Variants in DNM3 observed in about 807,000 individuals in gnomAD.
DNM3 encodes the protein dynamin-3.
DNM3 carries 47 observed loss-of-function variants against 101.6 expected under a neutral mutation model. The ratio of observed to expected loss-of-function variants is 0.46; its 90% CI spans 0.37 to 0.59. The LOEUF (loss-of-function observed/expected upper bound fraction) is 0.59, where lower values mean the gene tolerates loss of function less well. Ranked by LOEUF, DNM3 falls within the 20% of genes least tolerant of loss-of-function variation. The pLI is 0.00. For missense variants in DNM3, 849 were observed against 1,085.7 expected (o/e 0.78, Z 3.06); for synonymous variants, 385 against 387.9 (o/e 0.99, Z 0.09).
At chr1:172,181,000 C>G (rs569874918) in intron 14 of DNM3, among the ~76,000 whole-genome samples, 5 of 152,172 alleles carry the variant, frequency 3.3e-5, no homozygotes, top group African/African-American at 9.6e-5. Flanking sequence ...GGAGCACTTA[C>G]CAAGTGCCGC....
chr1:171,943,569 T>A (rs1024044242), intron 2 of DNM3, among the ~76,000 whole-genome samples: 10 of 152,234 alleles, frequency 6.6e-5, no homozygotes, highest in Non-Finnish European at 1.3e-4. Context: ...AGACAATAAC[T>A]TAACTCTTTC....
intron 15 of DNM3, among the ~76,000 whole-genome samples, chr1:172,299,364 A>G (rs1475189805): frequency 5.9e-5 from 9 of 152,234 alleles, no homozygotes. Context: ...ATGAAGATTC[A>G]GTGCAGATAA....
intron 10 of DNM3, among the ~76,000 whole-genome samples, chr1:172,056,965 A>G (rs2050689613): frequency 6.6e-6 from 1 of 152,074 alleles, no homozygotes. Context: ...AGACGAATGT[A>G]TAACTAGAAT....
chr1:172,144,763 G>A, intron 14 of DNM3: 1 of 334,394 alleles, frequency 3.0e-6, no homozygotes, highest in South Asian at 2.5e-5. Context: ...CTCAAGGGCT[G>A]TGATTTCCAG....
intron 1 of DNM3, among the ~76,000 whole-genome samples, chr1:171,899,683 G>T (rs74670150): frequency 6.6e-6 from 1 of 152,126 alleles, no homozygotes; most frequent in Non-Finnish European, 1.5e-5. Context: ...CATTAGTTGA[G>T]GGCCTATGCT....
chr1:172,029,726 AT>A (rs2048466358), intron 4 of DNM3, among the ~76,000 whole-genome samples: 2 of 152,230 alleles, frequency 1.3e-5, no homozygotes, highest in African/African-American at 4.8e-5. Flanking sequence ...TACAAAATCA[AT>A]GTGCAAAAAT....
At chr1:171,843,331 A>C (rs183145900) in intron 1 of DNM3, among the ~76,000 whole-genome samples, 30 of 152,212 alleles carry the variant, frequency 2.0e-4, no homozygotes, top group Admixed American at 1.1e-3. Flanking sequence ...TGCCTACGTC[A>C]TCTTAGACTT....
At chr1:172,204,319 C>A (rs1261325835) in intron 14 of DNM3, among the ~76,000 whole-genome samples, 1 of 152,000 alleles carries the variant, frequency 6.6e-6, no homozygotes, top group Admixed American at 6.6e-5. Context: ...AAAAAATACA[C>A]CTAATTGTGT....
intron 15 of DNM3, among the ~76,000 whole-genome samples, chr1:172,284,677 A>T (rs2063628629): frequency 6.6e-6 from 1 of 152,210 alleles, no homozygotes. Context: ...ATTTTCTTCT[A>T]CAGAGACACT....
chr1:171,944,351 T>G (rs1054119202), intron 2 of DNM3, among the ~76,000 whole-genome samples: 1 of 105,012 alleles, frequency 9.5e-6, no homozygotes, highest in Non-Finnish European at 2.4e-5. Flanking sequence ...ATTTATTTAT[T>G]TATTTATTTA....
Position 172,392,766 on chromosome 1 carries a change from T to G in DNM3, c.2522+3957T>G, listed in dbSNP as rs193266606. On this transcript the variant is annotated intron_variant, in intron 20 of 20. Transcript: ENST00000627582. ...GTCTCCAACCAAGCAAGAAGAAACT[T>G]TTTTTTTTAACCTCATCACTCAATA... Among the ~76,000 whole-genome samples, 12 of 149,474 alleles carry G rather than the reference T, an allele frequency of 8.0e-5. No homozygotes were observed. In the East Asian group the frequency reaches 2.3e-3, roughly 29 times the overall value.
intron 2 of DNM3, among the ~76,000 whole-genome samples, chr1:171,947,625 A>G (rs2125440453): frequency 6.6e-6 from 1 of 152,258 alleles, no homozygotes; most frequent in South Asian, 2.1e-4. Flanking sequence ...AGAATTTCAG[A>G]ATTTCTCTAA....
intron 17 of DNM3, among the ~76,000 whole-genome samples, chr1:172,336,327 C>G (rs1395515689): frequency 6.6e-6 from 1 of 151,982 alleles, no homozygotes; most frequent in Non-Finnish European, 1.5e-5. Context: ...AATGCACTTT[C>G]TAATGTTTAT....
At chr1:172,158,342 C>T (rs1405246957) in intron 14 of DNM3, among the ~76,000 whole-genome samples, 1 of 151,848 alleles carries the variant, frequency 6.6e-6, no homozygotes, top group African/African-American at 2.4e-5. Flanking sequence ...AGGAATGTAC[C>T]AGTGAAGGTT....
intron 14 of DNM3, among the ~76,000 whole-genome samples, chr1:172,193,773 A>G (rs150014952): frequency 6.6e-6 from 1 of 151,908 alleles, no homozygotes; most frequent in Non-Finnish European, 1.5e-5. Flanking sequence ...TAGTCTTGCT[A>G]GCGGTCTATC....
At chr1:172,028,083 A>G (rs1277943681) in intron 4 of DNM3, among the ~76,000 whole-genome samples, 2 of 152,258 alleles carry the variant, frequency 1.3e-5, no homozygotes. Context: ...AGACATCTAC[A>G]GAACTCTCCA....
At chr1:171,983,004 A>T (rs556777775) in intron 2 of DNM3, among the ~76,000 whole-genome samples, 28 of 152,044 alleles carry the variant, frequency 1.8e-4, no homozygotes, top group African/African-American at 5.8e-4. Context: ...ACATCACTTC[A>T]GCATCTGTGC....
At chr1:172,047,059 A>G (rs1431323518) in intron 9 of DNM3, among the ~76,000 whole-genome samples, 1 of 152,172 alleles carries the variant, frequency 6.6e-6, no homozygotes, top group African/African-American at 2.4e-5. Flanking sequence ...TCCTGAGCAT[A>G]AGACATACTC....
At chr1:172,290,256 GA>G (rs1442129492) in intron 15 of DNM3, among the ~76,000 whole-genome samples, 1 of 152,126 alleles carries the variant, frequency 6.6e-6, no homozygotes, top group Admixed American at 6.6e-5. Context: ...TTGTTATGAT[GA>G]AAACGGAATA....
Sources: gnomAD v4.1 joint callset for allele counts (sites outside exome capture counted in the v4.1 genomes callset) on GRCh38, gnomAD v4.1.1 for gene constraint, MANE v1.5 for transcripts, NCBI Gene and HGNC (gene_info 2026-07-23, HGNC 2026-07-21) for gene names.